Variants in LIN7A observed in about 807,000 individuals in gnomAD.
LIN7A encodes the protein protein lin-7 homolog A.
Under a neutral mutation model 29.8 loss-of-function variants are expected in LIN7A, and 25 were observed. That is an observed-to-expected ratio of 0.84 (90% CI 0.61 to 1.17). The LOEUF is 1.17. Among genes scored for constraint, LIN7A ranks in the 50% most tolerant of loss-of-function variants. The pLI, the probability that LIN7A is intolerant of heterozygous loss-of-function variation, is 0.00. For synonymous variants in LIN7A, 118 were observed against 107.5 expected, an observed-to-expected ratio of 1.10 and a Z score of -0.60; for missense variants, 239 against 287.0, an observed-to-expected ratio of 0.83 and a Z score of 1.21.
At chr12:80,864,696 TG>T (rs1874051406) in intron 2 of LIN7A, among the ~76,000 whole-genome samples, 1 of 152,164 alleles carries the variant, frequency 6.6e-6, no homozygotes, top group Non-Finnish European at 1.5e-5. Context: ...AATTATAGTA[TG>T]GAAAAAGGCA....
intron 4 of LIN7A, chr12:80,832,779 A>T: frequency 2.6e-6 from 1 of 381,452 alleles, no homozygotes; most frequent in Non-Finnish European, 5.1e-6. Flanking sequence ...AGATTTTAAT[A>T]TTGTAGCTAC....
intron 4 of LIN7A, among the ~76,000 whole-genome samples, chr12:80,841,455 T>C (rs1266262161): frequency 1.3e-5 from 2 of 152,112 alleles, no homozygotes; most frequent in Non-Finnish European, 2.9e-5. Flanking sequence ...GACCAATCTC[T>C]TTCTGTGTTC....
chr12:80,854,726 A>G (rs958468733), intron 2 of LIN7A, among the ~76,000 whole-genome samples: 5 of 152,182 alleles, frequency 3.3e-5, no homozygotes, highest in African/African-American at 1.2e-4. Flanking sequence ...ACAACACACT[A>G]AAAAGTAGAA....
intron 1 of LIN7A, among the ~76,000 whole-genome samples, chr12:80,907,053 CTCTGTG>C (rs1375606404): frequency 4.5e-4 from 60 of 133,012 alleles, no homozygotes; most frequent in East Asian, 2.4e-3. Context: ...AGAGTGCGTG[CTCTGTG>C]TGTGTGTGTG....
intron 5 of LIN7A, among the ~76,000 whole-genome samples, chr12:80,807,675 T>C (rs540401585): frequency 1.3e-5 from 2 of 152,334 alleles, no homozygotes; most frequent in South Asian, 4.1e-4. Context: ...AATAATGCGT[T>C]GTCATTACCA....
chr12:80,875,181 C>T (rs1190010217), intron 2 of LIN7A, among the ~76,000 whole-genome samples: 4 of 152,150 alleles, frequency 2.6e-5, no homozygotes, highest in Non-Finnish European at 4.4e-5. Flanking sequence ...CTTTCTGTAT[C>T]TTATTTTCTC....
chr12:80,850,586 T>G (rs887070476), intron 2 of LIN7A, among the ~76,000 whole-genome samples: 2 of 152,138 alleles, frequency 1.3e-5, no homozygotes, highest in Non-Finnish European at 2.9e-5. Flanking sequence ...TTGTCATAAA[T>G]GGGATGCTAC....
intron 4 of LIN7A, among the ~76,000 whole-genome samples, chr12:80,813,505 T>C (rs1871393318): frequency 6.6e-6 from 1 of 152,048 alleles, no homozygotes; most frequent in East Asian, 1.9e-4. Context: ...AAAAATCTAT[T>C]CAGGATACAA....
At chr12:80,908,144 A>G (rs1876579886) in intron 1 of LIN7A, among the ~76,000 whole-genome samples, 1 of 152,112 alleles carries the variant, frequency 6.6e-6, no homozygotes, top group Non-Finnish European at 1.5e-5. Context: ...ACTACTCAAT[A>G]TTTAATTAAA....
chr12:80,805,910 C>A (rs958775323), intron 5 of LIN7A, among the ~76,000 whole-genome samples: 1 of 126,782 alleles, frequency 7.9e-6, no homozygotes, highest in Non-Finnish European at 1.8e-5. Context: ...CTTGCTGAGA[C>A]CATGTAAGAC....
At chr12:80,879,267 G>A (rs1874891035) in intron 2 of LIN7A, among the ~76,000 whole-genome samples, 4 of 152,020 alleles carry the variant, frequency 2.6e-5, no homozygotes. Flanking sequence ...TTTGGGGGTA[G>A]GAGGGGGTGG....
intron 4 of LIN7A, among the ~76,000 whole-genome samples, chr12:80,816,871 C>A (rs1403020214): frequency 6.6e-6 from 1 of 152,198 alleles, no homozygotes; most frequent in African/African-American, 2.4e-5. Context: ...CAGGTCCAAG[C>A]GACTCTTGTG....
intron 1 of LIN7A, 200 bp downstream of exon 1, chr12:80,937,441 G>A (rs1023696454): frequency 2.5e-5 from 10 of 406,918 alleles, no homozygotes; most frequent in South Asian, 9.9e-5. Context: ...CGAGTACAGT[G>A]GGAAGGGGCA....
At chr12:80,884,237 A>T (rs1263209901) in intron 2 of LIN7A, among the ~76,000 whole-genome samples, 1 of 152,174 alleles carries the variant, frequency 6.6e-6, no homozygotes, top group Non-Finnish European at 1.5e-5. Context: ...GTTTTACAGC[A>T]ATTAAAGGAT....
chr12:80,847,334 G>A (rs1273442132), intron 3 of LIN7A, among the ~76,000 whole-genome samples: 1 of 152,054 alleles, frequency 6.6e-6, no homozygotes, highest in Non-Finnish European at 1.5e-5. Context: ...ATGACATGAT[G>A]ATAATAACAC....
intron 4 of LIN7A, among the ~76,000 whole-genome samples, chr12:80,816,125 G>A (rs1871518777): frequency 6.6e-6 from 1 of 152,154 alleles, no homozygotes; most frequent in Non-Finnish European, 1.5e-5. Context: ...ATGAGGTCAA[G>A]CACAGTGGCT....
At chr12:80,890,325 G>A (rs1318910067) in intron 1 of LIN7A, among the ~76,000 whole-genome samples, 2 of 152,240 alleles carry the variant, frequency 1.3e-5, no homozygotes, top group Admixed American at 1.3e-4. Flanking sequence ...TATAGGACAT[G>A]AGGTTTTCGA....
chr12:80,863,789 C>G (rs1392061235), intron 2 of LIN7A, among the ~76,000 whole-genome samples: 1 of 152,120 alleles, frequency 6.6e-6, no homozygotes, highest in Non-Finnish European at 1.5e-5. Context: ...TATACCCCAT[C>G]TGGTGGTATG....
At position 80,937,816 on chromosome 12, in the gene LIN7A, A is replaced by C; in HGVS notation, c.-94T>G. 3.0e-5 allele frequency: 23 copies of C among 771,392 alleles called. No homozygotes were observed. The highest frequency in any genetic ancestry group is 4.5e-5 in the East Asian group (1 of 22,050). The allele number at this position is 771,392 out of a possible 1,614,324, so 47.8% of individuals were successfully genotyped here. A position where few individuals can be genotyped will look rare whatever the true frequency, so the allele number is the denominator to read the frequency against. On this transcript the variant is annotated 5_prime_UTR_variant, in exon 1 of 6. Coordinates refer to ENST00000552864, the MANE Select transcript of LIN7A (RefSeq NM_004664.4). ...GAGGGGGAGGAGGGGGAAGGAAGGAAGGTGGTGGTGGTGGAGAAGAAAGCT... is the reference window on the plus strand; with the variant it reads ...GAGGGGGAGGAGGGGGAAGGAAGGACGGTGGTGGTGGTGGAGAAGAAAGCT...
Sources: allele counts gnomAD v4.1 joint callset (sites outside exome capture counted in the v4.1 genomes callset), GRCh38; gene constraint gnomAD v4.1.1; transcripts MANE v1.5; gene names NCBI Gene and HGNC (gene_info 2026-07-23, HGNC 2026-07-21).